RP2: variants seen among roughly 807,000 people sequenced by gnomAD.
RP2 encodes the protein protein XRP2.
A neutral mutation model predicts 20.3 loss-of-function variants in RP2; 3 were observed. That is an observed-to-expected ratio of 0.15 (90% CI 0.07 to 0.38). RP2 has a LOEUF of 0.38. Ranked by LOEUF, RP2 falls within the 10% of genes least tolerant of loss-of-function variation. The pLI, the probability that RP2 is intolerant of heterozygous loss-of-function variation, is 1.00. For synonymous variants in RP2, 75 were observed against 94.8 expected (o/e 0.79, Z 1.22); for missense variants, 233 against 268.5 (o/e 0.87, Z 0.92).
rs193144395 is a variant in RP2 at position 46,878,156 on chromosome X, C to T, written c.969+566C>T. ...TTGGGAGGCCGAGGTGGGCGGATCA[C>T]GAGGTCAGGAGATCGAGACCATCCC... On this transcript the variant is annotated intron_variant, in intron 4 of 4. Transcript: ENST00000218340. 2.2e-3 allele frequency among the ~76,000 whole-genome samples: 244 copies of T among 109,757 alleles called. 1 individual carries two copies. Among genetic ancestry groups the T allele is most frequent in the Non-Finnish European group, 3.7e-3 (193 of 52,609 alleles).
chrX:46,878,293 C>T (rs1364759060), intron 4 of RP2, among the ~76,000 whole-genome samples: 23 of 105,656 alleles, frequency 2.2e-4, no homozygotes, highest in Admixed American at 7.2e-4. Context: ...AGGAGAATGG[C>T]GTGAACCCGG....
intron 1 of RP2, among the ~76,000 whole-genome samples, chrX:46,848,451 C>G (rs1556317454): frequency 9.8e-6 from 1 of 101,933 alleles, no homozygotes. Flanking sequence ...GTGGTGCGAT[C>G]TCGGCTCACT....
chrX:46,862,790 T>C (rs1052348192), intron 3 of RP2, among the ~76,000 whole-genome samples: 17 of 112,578 alleles, frequency 1.5e-4, no homozygotes, highest in African/African-American at 4.8e-4. Flanking sequence ...AACAGCATCA[T>C]TGATGGACAG....
intron 1 of RP2, among the ~76,000 whole-genome samples, chrX:46,848,148 C>T (rs1233161009): frequency 9.2e-6 from 1 of 108,129 alleles, no homozygotes; most frequent in Admixed American, 1.0e-4. Flanking sequence ...CTTTTTACTT[C>T]TATTCAGACT....
intron 1 of RP2, among the ~76,000 whole-genome samples, chrX:46,843,412 T>G (rs1291021920): frequency 5.4e-5 from 6 of 111,880 alleles, no homozygotes; most frequent in African/African-American, 3.2e-5. Flanking sequence ...CATATAAAAT[T>G]TTGATAAAGG....
chrX:46,837,150 C>T lies in RP2; in HGVS notation c.50C>T (p.Pro17Leu), dbSNP rs782387061. 2.1e-5 allele frequency: 25 copies of T among 1,171,385 alleles called. No individual in the cohort carries two copies. The highest frequency in any genetic ancestry group is 1.5e-4 in the South Asian group (8 of 52,868). Residue 17 changes from proline to leucine, a missense_variant, in exon 1 of 5, where the codon CCC (proline) becomes CTC (leucine). By Grantham distance (98) the Pro-to-Leu change is moderately conservative (BLOSUM62 -3). This residue lies in a region of RP2 where 77 missense variants were observed against 71.8 expected (regional missense o/e 1.07). Transcript: ENST00000218340. ...KRRKADKESR[P>L]ENEEERPKQY... ...CGGAAGGCTGACAAGGAGTCGCGGCCCGAGAACGAGGAGGAGCGGCCAAAG... is the reference window on the plus strand; with the variant it reads ...CGGAAGGCTGACAAGGAGTCGCGGCTCGAGAACGAGGAGGAGCGGCCAAAG...
At chrX:46,866,360 A>G (rs944966270) in intron 3 of RP2, among the ~76,000 whole-genome samples, 1 of 111,177 alleles carries the variant, frequency 9.0e-6, no homozygotes. Flanking sequence ...ACACATCTAT[A>G]ATCCTGTATC....
Position 46,853,464 on chromosome X carries a change from T to C in RP2, c.103-12T>C. 8.3e-7 allele frequency: 1 copy of C among 1,205,925 alleles called. No individual in the cohort carries two copies. Among genetic ancestry groups the C allele is most frequent in the East Asian group, 3.0e-5 (1 of 33,832 alleles). ...GTTAATAATACTCAAGGTCTGTGTT[T>C]TGTTCCTGCAGGTTGATCCAAAAGA... is the stretch of plus-strand genomic sequence containing the variant. On this transcript the variant is annotated splice_polypyrimidine_tract_variant and intron_variant, in intron 1 of 4. Transcript: ENST00000218340.
chrX:46,868,612 G>A (rs377451927), intron 3 of RP2, among the ~76,000 whole-genome samples: 9 of 105,070 alleles, frequency 8.6e-5, no homozygotes, highest in East Asian at 3.1e-4. Context: ...GATGAAACCC[G>A]GGTCTCTACT....
intron 1 of RP2, among the ~76,000 whole-genome samples, chrX:46,847,786 A>G (rs1304533345): frequency 8.6e-5 from 7 of 81,082 alleles, no homozygotes; most frequent in Non-Finnish European, 1.5e-4. Context: ...GTACATACAC[A>G]CATGTGTGTG....
chrX:46,869,884 C>T (rs1556325541), intron 3 of RP2, among the ~76,000 whole-genome samples: 1 of 111,891 alleles, frequency 8.9e-6, no homozygotes, highest in Non-Finnish European at 1.9e-5. Context: ...GCTGGGATTA[C>T]AGGCGTGAGC....
At chrX:46,863,411 T>C (rs138369960) in intron 3 of RP2, among the ~76,000 whole-genome samples, 110 of 112,356 alleles carry the variant, frequency 9.8e-4, no homozygotes, top group African/African-American at 3.3e-3. Context: ...TCTTCTATAA[T>C]GTATAGAAAT....
At chrX:46,862,605 A>G (rs1735919071) in intron 3 of RP2, among the ~76,000 whole-genome samples, 1 of 110,820 alleles carries the variant, frequency 9.0e-6, no homozygotes, top group African/African-American at 3.3e-5. Context: ...GCTTGCAGTG[A>G]GCCAAGATCG....
At chrX:46,879,171 C>A (rs1556328270) in intron 4 of RP2, among the ~76,000 whole-genome samples, 2 of 105,731 alleles carry the variant, frequency 1.9e-5, no homozygotes, top group East Asian at 5.9e-4. Flanking sequence ...GTCCAGAAGT[C>A]TAGGCTGCAG....
chrX:46,872,238 T>C (rs1556326710), intron 3 of RP2, among the ~76,000 whole-genome samples: 1 of 112,641 alleles, frequency 8.9e-6, no homozygotes, highest in African/African-American at 3.2e-5. Flanking sequence ...TCTTGTAGCT[T>C]ATCAAGGCTG....
At chrX:46,841,517 G>T (rs1454523380) in intron 1 of RP2, among the ~76,000 whole-genome samples, 1 of 112,291 alleles carries the variant, frequency 8.9e-6, no homozygotes, top group African/African-American at 3.2e-5. Context: ...CTGGCTTTGG[G>T]CTGGGAGCTC....
chrX:46,872,791 G>A (rs903965059), intron 3 of RP2, among the ~76,000 whole-genome samples: 3 of 111,571 alleles, frequency 2.7e-5, no homozygotes, highest in Non-Finnish European at 3.8e-5. Context: ...AGGCTGGAGC[G>A]CAGTGGCTTG....
intron 1 of RP2, among the ~76,000 whole-genome samples, chrX:46,847,763 CACAT>C (rs1924760013): frequency 1.2e-5 from 1 of 84,008 alleles, no homozygotes; most frequent in African/African-American, 5.0e-5. Flanking sequence ...TGTATATACA[CACAT>C]GTGTGTGTGT....
chrX:46,869,606 C>CTTTT (rs1196606271), intron 3 of RP2, among the ~76,000 whole-genome samples: 1 of 54,461 alleles, frequency 1.8e-5, no homozygotes, highest in Non-Finnish European at 3.5e-5. Context: ...TTCATACATA[C>CTTTT]TTTTTTTTTT....
Sources: gnomAD v4.1 joint callset for allele counts (sites outside exome capture counted in the v4.1 genomes callset) on GRCh38, gnomAD v4.1.1 for gene constraint, gnomAD v4.1.1 regional missense constraint, MANE v1.5 for transcripts, NCBI Gene and HGNC (gene_info 2026-07-23, HGNC 2026-07-21) for gene names.